C17orf75: variants seen among roughly 807,000 people sequenced by gnomAD.
C17orf75 encodes chromosome 17 open reading frame 75.
In C17orf75, 32 loss-of-function variants were observed where a neutral mutation model predicts 49.6. The observed-to-expected ratio is 0.65, with a 90% CI of 0.49 to 0.87. The LOEUF (loss-of-function observed/expected upper bound fraction) is 0.87, where lower values mean the gene tolerates loss of function less well. C17orf75 is among the 40% of genes least tolerant of loss of function. The probability of loss-of-function intolerance (pLI) is 0.00; values close to 1 mark genes in which losing one functional copy is unlikely to be tolerated. For synonymous variants in C17orf75, 158 were observed against 159.5 expected (o/e 0.99, Z 0.07); for missense variants, 428 against 473.9 (o/e 0.90, Z 0.90).
intron 8 of C17orf75, among the ~76,000 whole-genome samples, chr17:32,334,239 G>T (rs917720274): frequency 5.3e-5 from 8 of 151,966 alleles, no homozygotes; most frequent in African/African-American, 1.7e-4. Flanking sequence ...TCATCTCCTT[G>T]TGTACACATA....
chr17:32,339,190 A>C (rs1407598027), intron 3 of C17orf75, among the ~76,000 whole-genome samples: 1 of 152,078 alleles, frequency 6.6e-6, no homozygotes, highest in Non-Finnish European at 1.5e-5. Flanking sequence ...CATCAATTTG[A>C]CCAGCCTCAT....
rs561014138 is a variant in C17orf75, at chr17:32,348,867, C to CTTTTTTTTTTTTTTTT, written c.-7+1059_-7+1074dup. Among the ~76,000 whole-genome samples the CTTTTTTTTTTTTTTTT allele has an allele frequency of 1.7e-4, 19 of 108,856 alleles. 1 individual carries two copies. Among genetic ancestry groups the CTTTTTTTTTTTTTTTT allele is most frequent in the African/African-American group, 2.3e-4 (6 of 26,534 alleles). 71.4% of individuals were successfully genotyped at this position (108,856 alleles called of 152,430 possible). A position where few individuals can be genotyped will look rare whatever the true frequency, so the allele number is the denominator to read the frequency against. The stretch of plus-strand genomic sequence containing the variant: ...CAGCACCTTCACTGACAGCTCCAGT[C>CTTTTTTTTTTTTTTTT]TTTTTTTTTTTTTTTTGAGACGGAG... On this transcript the variant is annotated intron_variant, in intron 1 of 8. Transcript: ENST00000583774.
At chr17:32,343,596 T>C (rs2041401139), upstream of C17orf75, 1 of 431,560 alleles carries the variant, frequency 2.3e-6, no homozygotes, top group East Asian at 4.1e-5. Flanking sequence ...TTTCTTCTCT[T>C]GCAATAAAGG....
At chr17:32,341,924 G>A in intron 1 of C17orf75, 76 bp downstream of exon 1, 1 of 1,192,186 alleles carries the variant, frequency 8.4e-7, no homozygotes, top group Non-Finnish European at 1.0e-6. Context: ...CGGGGGTGGG[G>A]TGCAAGGCCG....
intron 2 of C17orf75, chr17:32,340,841 G>C (rs376601135): frequency 2.5e-4 from 54 of 212,192 alleles, no homozygotes; most frequent in African/African-American, 1.2e-3. Context: ...CTACTGGGGA[G>C]GCTGAGGTGA....
At chr17:32,332,657 T>C (rs1442331336) in intron 9 of C17orf75, among the ~76,000 whole-genome samples, 6 of 152,094 alleles carry the variant, frequency 3.9e-5, no homozygotes, top group Admixed American at 6.6e-5. Flanking sequence ...TTCCAGCTAC[T>C]CAGGAGGCTG....
intron 3 of C17orf75, among the ~76,000 whole-genome samples, chr17:32,339,259 G>A (rs1014809731): frequency 7.2e-6 from 1 of 138,952 alleles, no homozygotes; most frequent in Non-Finnish European, 1.6e-5. Flanking sequence ...AAATAAGAGA[G>A]TATCTGCTAT....
chr17:32,333,551 A>G, intron 8 of C17orf75, 31 bp from the exon 9 acceptor site: 1 of 1,520,084 alleles, frequency 6.6e-7, no homozygotes, highest in Non-Finnish European at 9.0e-7. Context: ...ACTAAATAAA[A>G]TGAAATTTTA....
chr17:32,342,162 T>C lies in C17orf75; in HGVS notation c.-23A>G, dbSNP rs769856794. The C allele has an allele frequency of 3.2e-6, 5 of 1,565,066 alleles. No homozygotes were observed. In the African/African-American group the frequency reaches 4.1e-5, roughly 13 times the overall value. On this transcript the variant is annotated 5_prime_UTR_variant, in exon 1 of 10. Transcript: ENST00000577809. ...CATTGCGGCGGCCTCTGAGCGGCCC[T>C]GTGTCTCCGCCAAACCGCTCCCCTG...
chr17:32,345,720 C>T (rs1340036638), upstream of C17orf75, among the ~76,000 whole-genome samples: 1 of 152,080 alleles, frequency 6.6e-6, no homozygotes, highest in Non-Finnish European at 1.5e-5. Context: ...GTCCCAGCTA[C>T]TCGGGAGTCT....
At chr17:32,344,221 A>C, upstream of C17orf75, 2 of 393,794 alleles carry the variant, frequency 5.1e-6, no homozygotes, top group Admixed American at 4.0e-5. Flanking sequence ...CTGGTCTTGA[A>C]CTCCTGGGCT....
At chr17:32,340,810 C>T (rs867195998) in intron 2 of C17orf75, 6 of 186,704 alleles carry the variant, frequency 3.2e-5, no homozygotes, top group South Asian at 9.5e-5. Context: ...ATTAGCCAGG[C>T]GTGGTGGTCA....
At chr17:32,332,618 T>C (rs1328370633) in intron 9 of C17orf75, among the ~76,000 whole-genome samples, 1 of 151,990 alleles carries the variant, frequency 6.6e-6, no homozygotes, top group East Asian at 1.9e-4. Context: ...TAAAAATAAT[T>C]AGCTGAGTGT....
chr17:32,337,054 G>T (rs978520778), intron 5 of C17orf75, among the ~76,000 whole-genome samples: 2 of 152,190 alleles, frequency 1.3e-5, no homozygotes, highest in Non-Finnish European at 2.9e-5. Context: ...GGGAGGCTGA[G>T]GTGGGAGGAT....
chr17:32,332,021 A>G (rs1278855793), intron 9 of C17orf75, 43 bp from the exon 10 acceptor site: 2 of 1,502,010 alleles, frequency 1.3e-6, no homozygotes, highest in Admixed American at 1.8e-5. Context: ...AAGTGAAATA[A>G]TAATGAAGCT....
At chr17:32,349,499 T>C (rs1163407622) in intron 1 of C17orf75, among the ~76,000 whole-genome samples, 1 of 152,116 alleles carries the variant, frequency 6.6e-6, no homozygotes, top group Non-Finnish European at 1.5e-5. Context: ...GAGAATCGCT[T>C]GAACCCGGGA....
At chr17:32,349,392 G>C (rs1057155359) in intron 1 of C17orf75, among the ~76,000 whole-genome samples, 6 of 151,888 alleles carry the variant, frequency 4.0e-5, no homozygotes, top group African/African-American at 1.4e-4. Context: ...GACCAGCCTC[G>C]CTAACATGGT....
intron 1 of C17orf75, 118 bp from the exon 2 acceptor site, chr17:32,341,402 G>T (rs751639966): frequency 3.2e-6 from 3 of 951,730 alleles, no homozygotes; most frequent in Non-Finnish European, 5.1e-6. Flanking sequence ...AGGTGGAAGT[G>T]CACTGCCTAT....
chr17:32,341,749 G>T, intron 1 of C17orf75: 1 of 986,156 alleles, frequency 1.0e-6, no homozygotes, highest in Non-Finnish European at 1.2e-6. Context: ...GTAAGAGGCT[G>T]GGATGATATA....
Sources: gnomAD v4.1 joint callset for allele counts (sites outside exome capture counted in the v4.1 genomes callset) on GRCh38, gnomAD v4.1.1 for gene constraint, MANE v1.5 for transcripts, NCBI Gene and HGNC (gene_info 2026-07-23, HGNC 2026-07-21) for gene names.